ELP4: variants seen among roughly 807,000 people sequenced by gnomAD.
ELP4 encodes the protein elongator complex protein 4.
ELP4 carries 51 observed loss-of-function variants against 48.9 expected under a neutral mutation model. That is an observed-to-expected ratio of 1.04 (90% confidence interval 0.83 to 1.32). The LOEUF (loss-of-function observed/expected upper bound fraction) is 1.32, where lower values mean the gene tolerates loss of function less well. Ranked by LOEUF, ELP4 falls within the 40% of genes most tolerant of loss-of-function variation. The pLI, the probability that ELP4 is intolerant of heterozygous loss-of-function variation, is 0.00. For missense variants in ELP4, 519 were observed against 514.6 expected, an observed-to-expected ratio of 1.01 and a Z score of -0.08; for synonymous variants, 210 against 189.2, an observed-to-expected ratio of 1.11 and a Z score of -0.90.
At chr11:31,609,234 G>A (rs570986414) in intron 5 of ELP4, among the ~76,000 whole-genome samples, 82 of 152,216 alleles carry the variant, frequency 5.4e-4, no homozygotes, top group African/African-American at 1.8e-3. Flanking sequence ...CCAGGTTGGC[G>A]AATAGCCGCG....
chr11:31,565,900 T>C (rs1435110178), intron 3 of ELP4, among the ~76,000 whole-genome samples: 2 of 152,196 alleles, frequency 1.3e-5, no homozygotes, highest in African/African-American at 4.8e-5. Context: ...TTTTTTCCAA[T>C]TCTGTGAAGA....
At chr11:31,643,221 C>T (rs1417758195) in intron 7 of ELP4, among the ~76,000 whole-genome samples, 5 of 151,740 alleles carry the variant, frequency 3.3e-5, no homozygotes, top group Admixed American at 6.6e-5. Context: ...ATAGTGCTTT[C>T]GGGCTATTAT....
chr11:31,570,704 C>T (rs540579296), intron 3 of ELP4, among the ~76,000 whole-genome samples: 1 of 151,694 alleles, frequency 6.6e-6, no homozygotes, highest in Non-Finnish European at 1.5e-5. Context: ...GAACTCCTGA[C>T]CTCAAGCAAG....
intron 7 of ELP4, among the ~76,000 whole-genome samples, chr11:31,643,931 G>A (rs1945149719): frequency 1.3e-5 from 2 of 151,684 alleles, no homozygotes; most frequent in South Asian, 4.2e-4. Flanking sequence ...AAATTTAAAT[G>A]ATTAATTAAA....
chr11:31,579,724 G>A (rs1438640746), intron 3 of ELP4, among the ~76,000 whole-genome samples: 1 of 148,508 alleles, frequency 6.7e-6, no homozygotes, highest in Non-Finnish European at 1.5e-5. Context: ...TCATAGGTGG[G>A]AATTGAACAG....
intron 3 of ELP4, among the ~76,000 whole-genome samples, chr11:31,592,042 A>T (rs1957588005): frequency 6.6e-6 from 1 of 152,200 alleles, no homozygotes; most frequent in African/African-American, 2.4e-5. Context: ...AATGTCCAGA[A>T]CGACTAATCC....
At chr11:31,585,341 A>G (rs1957455066) in intron 3 of ELP4, among the ~76,000 whole-genome samples, 1 of 152,118 alleles carries the variant, frequency 6.6e-6, no homozygotes, top group African/African-American at 2.4e-5. Flanking sequence ...CCACCTCCTG[A>G]ATGGGAACCG....
intron 9 of ELP4, among the ~76,000 whole-genome samples, chr11:31,661,596 T>C (rs1945556381): frequency 6.6e-6 from 1 of 152,012 alleles, no homozygotes; most frequent in African/African-American, 2.4e-5. Flanking sequence ...ATATAAGTGC[T>C]CGTCAAATAT....
intron 9 of ELP4, among the ~76,000 whole-genome samples, chr11:31,733,843 G>A (rs1299896767): frequency 6.6e-6 from 1 of 152,062 alleles, no homozygotes; most frequent in Admixed American, 6.6e-5. Flanking sequence ...GAAGAGTAGG[G>A]AACACATCCA....
intron 3 of ELP4, among the ~76,000 whole-genome samples, chr11:31,573,885 C>T (rs921870211): frequency 1.1e-4 from 16 of 151,084 alleles, no homozygotes; most frequent in African/African-American, 3.4e-4. Context: ...CTCATTTAAA[C>T]TTAGATATTT....
At chr11:31,728,467 G>C (rs1947121483) in intron 9 of ELP4, among the ~76,000 whole-genome samples, 1 of 152,210 alleles carries the variant, frequency 6.6e-6, no homozygotes, top group South Asian at 2.1e-4. Flanking sequence ...AAACATAAAT[G>C]TTTTAGGGAA....
intron 3 of ELP4, among the ~76,000 whole-genome samples, chr11:31,549,329 C>G (rs1040667302): frequency 5.3e-5 from 8 of 152,208 alleles, no homozygotes; most frequent in Admixed American, 2.0e-4. Context: ...GGGCGAAGGA[C>G]ATGAACAGAC....
intron 9 of ELP4, among the ~76,000 whole-genome samples, chr11:31,714,027 T>C (rs1946793086): frequency 6.6e-6 from 1 of 151,978 alleles, no homozygotes; most frequent in Non-Finnish European, 1.5e-5. Context: ...CCAAGTAGAG[T>C]AGAAATATTA....
chr11:31,767,391 A>AT (rs894191912), intron 9 of ELP4: 14 of 151,744 alleles, frequency 9.2e-5, no homozygotes, highest in African/African-American at 3.4e-4. Context: ...TCCTTGTAAA[A>AT]AAAAAAAAAA....
At chr11:31,603,264 A>G (rs1957814493) in intron 4 of ELP4, among the ~76,000 whole-genome samples, 2 of 151,844 alleles carry the variant, frequency 1.3e-5, no homozygotes, top group Admixed American at 1.3e-4. Flanking sequence ...TTTAATATAC[A>G]CGTATATTGT....
intron 1 of ELP4, among the ~76,000 whole-genome samples, chr11:31,519,752 G>T (rs564802946): frequency 1.3e-5 from 2 of 151,868 alleles, no homozygotes; most frequent in East Asian, 3.9e-4. Context: ...TTGAACCCAG[G>T]ATGGGGAGGT....
intron 3 of ELP4, among the ~76,000 whole-genome samples, chr11:31,548,551 C>A (rs1404096998): frequency 6.6e-6 from 1 of 152,066 alleles, no homozygotes; most frequent in Non-Finnish European, 1.5e-5. Context: ...GTGAAAATGG[C>A]CATACTGCCC....
chr11:31,758,323 T>C (rs2134249548), intron 9 of ELP4, among the ~76,000 whole-genome samples: 1 of 152,348 alleles, frequency 6.6e-6, no homozygotes, highest in Admixed American at 6.5e-5. Context: ...ACACTCATGT[T>C]CGTTCTTTAT....
intron 9 of ELP4, among the ~76,000 whole-genome samples, chr11:31,715,801 G>A (rs980030590): frequency 4.6e-5 from 7 of 152,170 alleles, no homozygotes; most frequent in African/African-American, 1.7e-4. Flanking sequence ...GTTACAAAGA[G>A]TAACTATACA....
Sources: allele counts gnomAD v4.1 joint callset (sites outside exome capture counted in the v4.1 genomes callset), GRCh38; gene constraint gnomAD v4.1.1; transcripts MANE v1.5; gene names NCBI Gene and HGNC (gene_info 2026-07-23, HGNC 2026-07-21).